Variants in OPN5 observed in about 807,000 individuals in gnomAD.
OPN5 encodes opsin-5.
Under a neutral mutation model 41.7 loss-of-function variants are expected in OPN5, and 18 were observed. That is an observed-to-expected ratio of 0.43 (90% CI 0.30 to 0.64). The LOEUF (loss-of-function observed/expected upper bound fraction) is 0.64. OPN5 is among the 30% of genes least tolerant of loss of function. The probability of loss-of-function intolerance (pLI) is 0.13; values close to 1 mark genes in which losing one functional copy is unlikely to be tolerated. For missense variants in OPN5, 318 were observed against 434.5 expected (o/e 0.73, Z 2.38); for synonymous variants, 178 against 164.3 (o/e 1.08, Z -0.64).
At chr6:47,817,593 C>G (rs1377318949) in intron 6 of OPN5, among the ~76,000 whole-genome samples, 2 of 152,028 alleles carry the variant, frequency 1.3e-5, no homozygotes, top group Non-Finnish European at 2.9e-5. Flanking sequence ...GAACTTGAGC[C>G]CCATGCCTGA....
intron 4 of OPN5, 138 bp from the exon 5 acceptor site, chr6:47,808,016 A>G (rs1774042147): frequency 1.2e-6 from 1 of 801,556 alleles, no homozygotes; most frequent in South Asian, 1.6e-5. Context: ...AATGATTCCT[A>G]TGTACAAAGT....
chr6:47,810,736 G>A (rs1042886390), intron 5 of OPN5, among the ~76,000 whole-genome samples: 1 of 152,126 alleles, frequency 6.6e-6, no homozygotes, highest in African/African-American at 2.4e-5. Flanking sequence ...TGAGATTTTG[G>A]TAGAAGTTGG....
intron 4 of OPN5, among the ~76,000 whole-genome samples, chr6:47,798,834 C>G (rs899073387): frequency 6.6e-6 from 1 of 152,038 alleles, no homozygotes; most frequent in Admixed American, 6.6e-5. Context: ...ATATTGGGCC[C>G]TTCCACAGCC....
chr6:47,821,672 G>A (rs1413196893), intron 6 of OPN5, among the ~76,000 whole-genome samples: 12 of 152,168 alleles, frequency 7.9e-5, no homozygotes, highest in Non-Finnish European at 1.2e-4. Flanking sequence ...TCAGGCCAAT[G>A]TTGTCCTTGT....
chr6:47,794,981 T>G, intron 3 of OPN5: 1 of 436,798 alleles, frequency 2.3e-6, no homozygotes. Context: ...TTCCCAGCTG[T>G]TGTCACTTCT....
At chr6:47,782,350 CA>C in intron 1 of OPN5, among the ~76,000 whole-genome samples, 154 bp downstream of exon 1, 1 of 152,138 alleles carries the variant, frequency 6.6e-6, no homozygotes, top group East Asian at 1.9e-4. Flanking sequence ...TTATGGCATT[CA>C]ATAAATGTTT....
chr6:47,791,869 C>A lies in OPN5; in HGVS notation c.318C>A (p.Cys106Ter), dbSNP rs781654915. Residue 106 changes from cysteine to a stop codon, truncating the protein, a stop_gained, in exon 3 of 7, where the codon TGC (cysteine) becomes TGA (stop). Coordinates refer to ENST00000371211, the Ensembl canonical transcript of OPN5. LOFTEE classifies it high-confidence loss of function. ...GCTGGGTGTTTGGCTGGATCGGCTG[C>A]CGCTGGTATGGATGGGCTGGATTTT... The A allele has an allele frequency of 6.2e-7, 1 of 1,613,714 alleles. No homozygotes were observed. Among genetic ancestry groups the A allele is most frequent in the Non-Finnish European group, 8.5e-7 (1 of 1,179,890 alleles).
At position 47,808,064 on chromosome 6, in the gene OPN5, G is replaced by A. The variant is rs777736896; in HGVS notation, c.757-90G>A. 7.5e-5 allele frequency: 93 copies of A among 1,242,322 alleles called. 1 individual carries two copies. The highest frequency in any genetic ancestry group is 3.0e-4 in the Admixed American group (17 of 56,180). The allele number at this position is 1,242,322 out of a possible 1,614,324, so 77.0% of individuals were successfully genotyped here. A position where few individuals can be genotyped will look rare whatever the true frequency, so the allele number is the denominator to read the frequency against. ...TGACAGACTTTCTTGGCTGTGAGAGGTGACCTGATCCTTCTCCATACCCAT... is the reference window on the plus strand; with the variant it reads ...TGACAGACTTTCTTGGCTGTGAGAGATGACCTGATCCTTCTCCATACCCAT... On this transcript the variant is annotated intron_variant, in intron 4 of 6. Coordinates refer to ENST00000371211, the Ensembl canonical transcript of OPN5.
At chr6:47,821,504 G>C (rs1474703485) in intron 6 of OPN5, among the ~76,000 whole-genome samples, 1 of 152,170 alleles carries the variant, frequency 6.6e-6, no homozygotes, top group African/African-American at 2.4e-5. Context: ...TGAGAAGTTG[G>C]GCAAGAGACG....
At chr6:47,787,232 T>C (rs1290843433) in intron 2 of OPN5, 1 of 888,060 alleles carries the variant, frequency 1.1e-6, no homozygotes, top group East Asian at 1.2e-4. Flanking sequence ...CTGAATTAAG[T>C]CGTTGAGAGT....
chr6:47,815,624 G>A (rs141491857), intron 6 of OPN5, among the ~76,000 whole-genome samples: 51 of 152,186 alleles, frequency 3.4e-4, no homozygotes, highest in African/African-American at 1.1e-3. Flanking sequence ...CACTGTCCAG[G>A]AGGTCAAAGG....
exon 4 of OPN5, chr6:47,795,262 G>A: frequency 6.2e-7 from 1 of 1,608,672 alleles, no homozygotes; most frequent in Non-Finnish European, 8.5e-7. Context: ...GCCTACATCT[G>A]CCTGGCAGCC....
downstream of OPN5, chr6:47,825,354 A>G (rs1762761016): frequency 6.6e-6 from 1 of 152,186 alleles, no homozygotes. Context: ...GTTAGGGAGA[A>G]TTTTTGTCTA....
At chr6:47,814,251 A>G (rs1267130416) in intron 6 of OPN5, among the ~76,000 whole-genome samples, 3 of 151,984 alleles carry the variant, frequency 2.0e-5, no homozygotes, top group Admixed American at 2.0e-4. Flanking sequence ...AGGAGAAAAG[A>G]ACACTCAGGT....
At chr6:47,786,791 A>G (rs1351445199) in intron 2 of OPN5, among the ~76,000 whole-genome samples, 157 bp downstream of exon 2, 3 of 152,160 alleles carry the variant, frequency 2.0e-5, no homozygotes, top group Non-Finnish European at 4.4e-5. Context: ...TGGTAAGTCA[A>G]TGGGGTGCTG....
At chr6:47,817,001 T>G (rs1216984565) in intron 6 of OPN5, among the ~76,000 whole-genome samples, 1 of 152,054 alleles carries the variant, frequency 6.6e-6, no homozygotes, top group Non-Finnish European at 1.5e-5. Context: ...TCAAGCTGTT[T>G]GAGAAAGTGA....
At chr6:47,816,902 G>C (rs1318660168) in intron 6 of OPN5, among the ~76,000 whole-genome samples, 2 of 152,038 alleles carry the variant, frequency 1.3e-5, no homozygotes, top group Non-Finnish European at 2.9e-5. Context: ...ATTCCAAGCG[G>C]GTTTTGTAGT....
intron 2 of OPN5, among the ~76,000 whole-genome samples, chr6:47,789,921 G>C (rs1298881656): frequency 6.7e-6 from 1 of 150,350 alleles, no homozygotes; most frequent in African/African-American, 2.4e-5. Flanking sequence ...TTTGTGGGGG[G>C]TGTGGTGAGG....
At chr6:47,786,099 G>T (rs1329870038) in intron 1 of OPN5, among the ~76,000 whole-genome samples, 1 of 152,158 alleles carries the variant, frequency 6.6e-6, no homozygotes, top group East Asian at 1.9e-4. Flanking sequence ...CACCTTCTTT[G>T]GTTGGCTTCA....
Sources: allele counts gnomAD v4.1 joint callset (sites outside exome capture counted in the v4.1 genomes callset), GRCh38; gene constraint gnomAD v4.1.1; transcripts MANE v1.5; gene names NCBI Gene and HGNC (gene_info 2026-07-23, HGNC 2026-07-21).